The following SGMS2 variants were observed in gnomAD, a reference collection of about 807,000 sequenced individuals.
The protein encoded by SGMS2 is phosphatidylcholine:ceramide cholinephosphotransferase 2.
Under a neutral mutation model 43.8 loss-of-function variants are expected in SGMS2, and 21 were observed. The observed-to-expected ratio is 0.48, with a 90% CI of 0.34 to 0.69. SGMS2 has a LOEUF of 0.69. Among genes scored for constraint, SGMS2 ranks in the 30% least tolerant of loss-of-function variants. The pLI, the probability that SGMS2 is intolerant of heterozygous loss-of-function variation, is 0.01. For missense variants in SGMS2, 384 were observed against 443.2 expected, an observed-to-expected ratio of 0.87 and a Z score of 1.20; for synonymous variants, 167 against 160.6, an observed-to-expected ratio of 1.04 and a Z score of -0.30.
chr4:107,885,143 T>TA (rs1729648448), intron 2 of SGMS2, among the ~76,000 whole-genome samples: 1 of 152,138 alleles, frequency 6.6e-6, no homozygotes, highest in African/African-American at 2.4e-5. Flanking sequence ...CTGAAAAAGT[T>TA]AAAGATCTCT....
rs765796465 is a variant in SGMS2 at position 107,895,820 on chromosome 4, C to A, written c.267C>A (p.Asn89Lys). ...TGIAFIYAVF[N>K]LVLTTVMITV... The stretch of plus-strand genomic sequence containing the variant: ...TTGCCTTCATATATGCAGTTTTCAA[C>A]CTCGTCTTGACAACCGTCATGATCA... Residue 89 changes from asparagine (N) to lysine (K), a missense_variant, in exon 3 of 7, where the codon AAC (asparagine) becomes AAA (lysine). Asn to Lys is a moderately conservative substitution (Grantham distance 94). Coordinates refer to ENST00000690982, the MANE Select transcript of SGMS2 (RefSeq NM_001375905.1). 6.2e-7 allele frequency: 1 copy of A among 1,613,966 alleles called. No individual in the cohort carries two copies. Among genetic ancestry groups the A allele is most frequent in the South Asian group, 1.1e-5 (1 of 91,088 alleles).
At chr4:107,901,787 T>A (rs1183034983) in intron 4 of SGMS2, among the ~76,000 whole-genome samples, 1 of 152,210 alleles carries the variant, frequency 6.6e-6, no homozygotes, top group African/African-American at 2.4e-5. Flanking sequence ...TGCAAACCTA[T>A]TTTTCCACAT....
chr4:107,835,904 C>T (rs551627978), intron 1 of SGMS2, among the ~76,000 whole-genome samples: 2 of 152,272 alleles, frequency 1.3e-5, no homozygotes, highest in South Asian at 4.1e-4. Context: ...AACCATCTCC[C>T]AAGAACCCAG....
intron 2 of SGMS2, among the ~76,000 whole-genome samples, chr4:107,871,250 GTT>G (rs956078075): frequency 6.6e-6 from 1 of 152,080 alleles, no homozygotes; most frequent in African/African-American, 2.4e-5. Flanking sequence ...TTTATTTTCA[GTT>G]TTTATCTATA....
At chr4:107,873,664 A>G (rs1728705768) in intron 2 of SGMS2, among the ~76,000 whole-genome samples, 1 of 152,082 alleles carries the variant, frequency 6.6e-6, no homozygotes, top group Non-Finnish European at 1.5e-5. Context: ...TGACTTTTTC[A>G]CATGGTAAAT....
intron 1 of SGMS2, among the ~76,000 whole-genome samples, chr4:107,851,117 G>C (rs971528233): frequency 1.3e-5 from 2 of 152,130 alleles, no homozygotes; most frequent in African/African-American, 4.8e-5. Flanking sequence ...GTGAAATAGG[G>C]GTTTATGTAA....
intron 2 of SGMS2, among the ~76,000 whole-genome samples, chr4:107,879,190 A>C (rs1039549744): frequency 6.6e-6 from 1 of 150,496 alleles, no homozygotes; most frequent in African/African-American, 2.4e-5. Flanking sequence ...GAATTTTGCT[A>C]GAAAATCCAT....
chr4:107,892,234 CAAAAAAAAAAA>C (rs34353350), intron 2 of SGMS2, among the ~76,000 whole-genome samples: 6 of 75,100 alleles, frequency 8.0e-5, no homozygotes, highest in Non-Finnish European at 1.2e-4. Flanking sequence ...ACTAAAACTC[CAAAAAAAAAAA>C]AAAAAAAAAA....
intron 2 of SGMS2, among the ~76,000 whole-genome samples, chr4:107,890,176 C>T (rs866649812): frequency 6.6e-6 from 1 of 152,236 alleles, no homozygotes; most frequent in African/African-American, 2.4e-5. Context: ...CTGAGATGAA[C>T]TTGTCTGTTT....
intron 1 of SGMS2, among the ~76,000 whole-genome samples, chr4:107,827,762 G>T (rs1725675054): frequency 6.6e-6 from 1 of 152,152 alleles, no homozygotes; most frequent in Admixed American, 6.5e-5. Flanking sequence ...GAGGCAGGCA[G>T]ATCACTTGAC....
At position 107,910,539 on chromosome 4, in the gene SGMS2, GAGAA is replaced by G. The variant is rs1732039373; in HGVS notation, c.1086_1089del (p.Glu362AspfsTer37). The G allele has an allele frequency of 6.2e-7, 1 of 1,613,772 alleles. No homozygotes were observed. The highest frequency in any genetic ancestry group is 8.5e-7 in the Non-Finnish European group (1 of 1,179,936). On this transcript the variant is annotated frameshift_variant, in exon 7 of 7. Transcript: ENST00000690982. LOFTEE classifies it high-confidence loss of function. Reference sequence around the variant, plus strand: ...GGTTCAGAAGATTGGTGAAGACAATGAGAAATCGACCTGAGGAGCAAAACAAAGG... The same window carrying G: ...GGTTCAGAAGATTGGTGAAGACAATGATCGACCTGAGGAGCAAAACAAAGG...
chr4:107,849,976 C>G (rs2126013087), intron 1 of SGMS2, among the ~76,000 whole-genome samples: 2 of 152,168 alleles, frequency 1.3e-5, no homozygotes, highest in South Asian at 4.2e-4. Flanking sequence ...ATTATAATCC[C>G]CAGTATTGGA....
chr4:107,891,136 C>A (rs939901942), intron 2 of SGMS2, among the ~76,000 whole-genome samples: 2 of 144,620 alleles, frequency 1.4e-5, no homozygotes, highest in African/African-American at 5.2e-5. Context: ...TTCTCCCCCC[C>A]ATTATACCAC....
chr4:107,883,026 T>G (rs1225465244), intron 2 of SGMS2, among the ~76,000 whole-genome samples: 1 of 152,144 alleles, frequency 6.6e-6, no homozygotes. Context: ...AAAATTATAT[T>G]TACACATTTA....
chr4:107,875,390 C>G (rs542269776), intron 2 of SGMS2, among the ~76,000 whole-genome samples: 9 of 152,240 alleles, frequency 5.9e-5, no homozygotes, highest in African/African-American at 1.9e-4. Flanking sequence ...TTATCCTTAG[C>G]AAACTAATGC....
chr4:107,873,236 T>G (rs1182979808), intron 2 of SGMS2: 1 of 152,182 alleles, frequency 6.6e-6, no homozygotes, highest in East Asian at 1.9e-4. Context: ...TTGGAAATAT[T>G]TAGTCACAAG....
At chr4:107,857,041 C>T (rs895354020) in intron 1 of SGMS2, among the ~76,000 whole-genome samples, 3 of 152,160 alleles carry the variant, frequency 2.0e-5, no homozygotes, top group African/African-American at 4.8e-5. Context: ...CTTCCCCTAG[C>T]CCTTGGCAAC....
chr4:107,870,703 C>T (rs1728498292), intron 2 of SGMS2, among the ~76,000 whole-genome samples: 2 of 152,086 alleles, frequency 1.3e-5, no homozygotes, highest in Admixed American at 6.5e-5. Flanking sequence ...CTTATTGATG[C>T]AGATTATGCT....
chr4:107,879,480 G>A (rs1426759640), intron 2 of SGMS2, among the ~76,000 whole-genome samples: 3 of 119,382 alleles, frequency 2.5e-5, no homozygotes, highest in Admixed American at 8.3e-5. Flanking sequence ...TTTTTTTTTC[G>A]AGACCGAGTC....
Sources: allele counts gnomAD v4.1 joint callset (sites outside exome capture counted in the v4.1 genomes callset), GRCh38; gene constraint gnomAD v4.1.1; transcripts MANE v1.5; gene names NCBI Gene and HGNC (gene_info 2026-07-23, HGNC 2026-07-21).